The following WARS2 variants were observed in gnomAD, a reference collection of about 807,000 sequenced individuals.
WARS2 encodes the protein tryptophanyl tRNA synthetase 2, mitochondrial.
In WARS2, 28 loss-of-function variants were observed where a neutral mutation model predicts 36.5. The observed-to-expected ratio is 0.77, with a 90% CI of 0.57 to 1.05. WARS2 has a LOEUF of 1.05. Ranked by LOEUF, WARS2 falls within the 50% of genes least tolerant of loss-of-function variation. The probability of loss-of-function intolerance (pLI) is 0.00; values close to 1 mark genes in which losing one functional copy is unlikely to be tolerated. For missense variants in WARS2, 435 were observed against 456.8 expected (o/e 0.95, Z 0.44); for synonymous variants, 174 against 178.4 (o/e 0.98, Z 0.20).
At chr1:119,130,524 G>T (rs900735670) in intron 1 of WARS2, among the ~76,000 whole-genome samples, 1 of 152,150 alleles carries the variant, frequency 6.6e-6, no homozygotes, top group African/African-American at 2.4e-5. Flanking sequence ...AAATTGGTAT[G>T]ACCTTCCAAT....
chr1:119,135,155 GTGCAGCTCC>G (rs1195527299), intron 1 of WARS2, among the ~76,000 whole-genome samples: 1 of 152,158 alleles, frequency 6.6e-6, no homozygotes, highest in Non-Finnish European at 1.5e-5. Flanking sequence ...CTCATTTACG[GTGCAGCTCC>G]TTAAAAATAA....
chr1:119,112,326 G>A (rs77067026), intron 1 of WARS2, among the ~76,000 whole-genome samples: 5,510 of 152,288 alleles, frequency 0.036, 177 homozygotes, highest in Non-Finnish European at 0.048. Context: ...AAAGGTGGCA[G>A]AGAAGCATGG....
Position 119,110,493 on chromosome 1 carries a change from T to A in WARS2, c.90+30062A>T, listed in dbSNP as rs587675411. ...GCGTGGATTCTGAAGAGAAGTCAAT[T>A]GTAATTCTTATCTTTATTCCTCTAT... is the stretch of plus-strand genomic sequence containing the variant. On this transcript the variant is annotated intron_variant, in intron 1 of 5. Transcript: ENST00000235521. Among the ~76,000 whole-genome samples the A allele has an allele frequency of 2.6e-5, 4 of 152,234 alleles. No individual in the cohort carries two copies. The South Asian group carries it at 8.3e-4, about 32-fold the overall frequency.
intron 2 of WARS2, among the ~76,000 whole-genome samples, chr1:119,073,248 A>G (rs1273418252): frequency 2.0e-5 from 3 of 152,042 alleles, no homozygotes; most frequent in Admixed American, 2.0e-4. Flanking sequence ...TACTCTCTCT[A>G]TTGTTATAAA....
At chr1:119,099,862 C>A (rs907894772) in intron 1 of WARS2, among the ~76,000 whole-genome samples, 1 of 152,034 alleles carries the variant, frequency 6.6e-6, no homozygotes, top group African/African-American at 2.4e-5. Flanking sequence ...GCAGAAAACC[C>A]AGGAAAAGCT....
chr1:119,087,775 C>CCTTTCTT (rs1652777709), intron 1 of WARS2, among the ~76,000 whole-genome samples: 1 of 152,198 alleles, frequency 6.6e-6, no homozygotes, highest in African/African-American at 2.4e-5. Context: ...CATCCTCATG[C>CCTTTCTT]ATTAATTGCC....
chr1:119,056,135 T>G (rs1163844556), intron 2 of WARS2, among the ~76,000 whole-genome samples: 4 of 151,384 alleles, frequency 2.6e-5, no homozygotes, highest in Admixed American at 2.0e-4. Flanking sequence ...TCTCCTGCCT[T>G]AGCCCCACCA....
intron 1 of WARS2, among the ~76,000 whole-genome samples, chr1:119,107,547 C>T: frequency 6.6e-6 from 1 of 152,102 alleles, no homozygotes; most frequent in East Asian, 1.9e-4. Flanking sequence ...CATTGTATTG[C>T]CTTTCTTTGA....
intron 1 of WARS2, among the ~76,000 whole-genome samples, chr1:119,082,721 C>A (rs1227537454): frequency 6.6e-6 from 1 of 152,104 alleles, no homozygotes; most frequent in African/African-American, 2.4e-5. Flanking sequence ...CAAGGGCATA[C>A]AACTAGTGGC....
In WARS2 at chr1:119,032,645, G is replaced by A; in HGVS notation, c.*266C>T. 2.1e-6 allele frequency: 1 copy of A among 474,158 alleles called. No individual in the cohort carries two copies. Among genetic ancestry groups the A allele is most frequent in the Non-Finnish European group, 3.7e-6 (1 of 267,090 alleles). The allele number at this position is 474,158 out of a possible 1,614,324, so 29.4% of individuals were successfully genotyped here. On this transcript the variant is annotated 3_prime_UTR_variant, in exon 6 of 6. Coordinates refer to ENST00000235521, the MANE Select transcript of WARS2 (RefSeq NM_015836.4). ...TTCAATCACATTTCTGCAGGCCAAGGAGTGTGCCTCAATAATTGGGGATTC... is the reference window on the plus strand; with the variant it reads ...TTCAATCACATTTCTGCAGGCCAAGAAGTGTGCCTCAATAATTGGGGATTC...
chr1:119,139,049 T>C (rs587750103), intron 1 of WARS2, among the ~76,000 whole-genome samples: 1 of 152,274 alleles, frequency 6.6e-6, no homozygotes, highest in South Asian at 2.1e-4. Flanking sequence ...TTCTTTAGTT[T>C]GGAATAAGGG....
At chr1:119,083,147 T>C (rs891611078) in intron 1 of WARS2, among the ~76,000 whole-genome samples, 3 of 152,174 alleles carry the variant, frequency 2.0e-5, no homozygotes, top group Non-Finnish European at 2.9e-5. Context: ...GAGAATCACT[T>C]GAACCCGGGA....
chr1:119,093,218 A>G (rs889078625), intron 1 of WARS2, among the ~76,000 whole-genome samples: 2 of 152,128 alleles, frequency 1.3e-5, no homozygotes, highest in African/African-American at 4.8e-5. Flanking sequence ...ATTTTATAAC[A>G]TGCTATTTTT....
chr1:119,037,069 T>C (rs1647944309), intron 4 of WARS2, among the ~76,000 whole-genome samples: 1 of 152,204 alleles, frequency 6.6e-6, no homozygotes, highest in Non-Finnish European at 1.5e-5. Context: ...CTTCAAATAA[T>C]TTAGTGCTGT....
chr1:119,078,035 T>C (rs1651878517), intron 1 of WARS2, among the ~76,000 whole-genome samples: 2 of 152,168 alleles, frequency 1.3e-5, no homozygotes, highest in South Asian at 4.1e-4. Context: ...GGTAGGCATA[T>C]TATTACCTCC....
At chr1:119,116,065 A>C (rs1328151633) in intron 1 of WARS2, among the ~76,000 whole-genome samples, 2 of 152,194 alleles carry the variant, frequency 1.3e-5, no homozygotes, top group African/African-American at 2.4e-5. Flanking sequence ...CTCTAAGTAC[A>C]TTTGTATAGT....
At chr1:119,089,380 C>T (rs755967819) in intron 1 of WARS2, among the ~76,000 whole-genome samples, 3 of 152,074 alleles carry the variant, frequency 2.0e-5, no homozygotes, top group Non-Finnish European at 4.4e-5. Flanking sequence ...ATAGTAAGTT[C>T]GAAGAATGAC....
chr1:119,055,734 AGAGG>A (rs371769586), intron 2 of WARS2, among the ~76,000 whole-genome samples: 10 of 149,934 alleles, frequency 6.7e-5, no homozygotes, highest in South Asian at 2.2e-4. Context: ...GAGGAGGAGA[AGAGG>A]GAGGGAGGGA....
intron 5 of WARS2, among the ~76,000 whole-genome samples, chr1:119,033,561 T>G (rs538496352): frequency 2.0e-5 from 3 of 152,378 alleles, no homozygotes; most frequent in East Asian, 1.9e-4. Flanking sequence ...ACTTTCAGTA[T>G]AGTATTCAAT....
Sources: allele counts gnomAD v4.1 joint callset (sites outside exome capture counted in the v4.1 genomes callset), GRCh38; gene constraint gnomAD v4.1.1; transcripts MANE v1.5; gene names NCBI Gene and HGNC (gene_info 2026-07-23, HGNC 2026-07-21).